The following OR51B5 variants were observed in gnomAD, a reference collection of about 807,000 sequenced individuals.
OR51B5 encodes olfactory receptor 51B5.
For missense variants in OR51B5, 456 were observed against 374.6 expected, an observed-to-expected ratio of 1.22 and a Z score of -1.79; for synonymous variants, 186 against 144.8, an observed-to-expected ratio of 1.28 and a Z score of -2.04.
exon 1 of OR51B5, chr11:5,342,875 A>G: frequency 6.2e-7 from 1 of 1,613,388 alleles, no homozygotes; most frequent in East Asian, 2.2e-5. Flanking sequence ...GAGTATCAAC[A>G]CATAGGAGAT....
intron 1 of OR51B5, among the ~76,000 whole-genome samples, chr11:5,451,880 A>G (rs535765840): frequency 1.3e-5 from 2 of 152,376 alleles, no homozygotes; most frequent in South Asian, 2.1e-4. Context: ...AGCCTTCTGT[A>G]TCCTCATCCA....
At chr11:5,464,250 A>G (rs1004729313) in intron 1 of OR51B5, among the ~76,000 whole-genome samples, 20 of 152,236 alleles carry the variant, frequency 1.3e-4, no homozygotes, top group African/African-American at 4.3e-4. Context: ...GCATTGGGTG[A>G]TTTTAACACA....
At chr11:5,495,047 C>G (rs952717065) in intron 1 of OR51B5, among the ~76,000 whole-genome samples, 5 of 152,214 alleles carry the variant, frequency 3.3e-5, no homozygotes, top group Admixed American at 6.5e-5. Context: ...GCTGCTATCC[C>G]CCTAGAGAAA....
chr11:5,473,223 A>C (rs1851254949), intron 1 of OR51B5, among the ~76,000 whole-genome samples: 1 of 152,224 alleles, frequency 6.6e-6, no homozygotes, highest in Admixed American at 6.5e-5. Flanking sequence ...TGCCAGAAAA[A>C]AAATCTTGAA....
chr11:5,390,132 A>T, intron 1 of OR51B5: 1 of 1,613,724 alleles, frequency 6.2e-7, no homozygotes, highest in Non-Finnish European at 8.5e-7. Flanking sequence ...TCCCAAGAGG[A>T]GCAGCGCCGT....
downstream of OR51B5, among the ~76,000 whole-genome samples, chr11:5,342,066 A>G (rs1251676884): frequency 6.6e-6 from 1 of 152,190 alleles, no homozygotes; most frequent in Admixed American, 6.5e-5. Context: ...TAGGTCACTG[A>G]TCAAAGAAGA....
intron 1 of OR51B5, among the ~76,000 whole-genome samples, chr11:5,412,391 C>T (rs1589981671): frequency 6.6e-6 from 1 of 152,136 alleles, no homozygotes; most frequent in Non-Finnish European, 1.5e-5. Context: ...TCTGCATTTC[C>T]ATCTGAGGTA....
chr11:5,369,394 C>A (rs1849418340), intron 1 of OR51B5, among the ~76,000 whole-genome samples: 1 of 152,186 alleles, frequency 6.6e-6, no homozygotes, highest in South Asian at 2.1e-4. Flanking sequence ...AAATATAACA[C>A]TTTTAGGAGA....
chr11:5,454,725 TATA>T (rs1393642041), intron 1 of OR51B5: 1 of 201,056 alleles, frequency 5.0e-6, no homozygotes, highest in Non-Finnish European at 1.0e-5. Flanking sequence ...ATATTACTAA[TATA>T]ATAATTAACA....
At position 5,457,010 on chromosome 11, in the gene OR51B5, G is replaced by A. The variant is rs539960202; in HGVS notation, n.84+48559C>T. 1.1e-4 allele frequency among the ~76,000 whole-genome samples: 16 copies of A among 152,256 alleles called. No individual in the cohort carries two copies. The East Asian group carries it at 1.5e-3, about 15-fold the overall frequency. ...GTTTCCTGAGGCCTTCCCAGAAGCCGAGCCTATGCCAGCATCATGCTTCCC... is the reference window on the plus strand; with the variant it reads ...GTTTCCTGAGGCCTTCCCAGAAGCCAAGCCTATGCCAGCATCATGCTTCCC... On this transcript the variant is annotated intron_variant and non_coding_transcript_variant, in intron 1 of 4. Transcript: ENST00000415970.
chr11:5,376,264 T>C (rs926344217), intron 1 of OR51B5, among the ~76,000 whole-genome samples: 4 of 151,838 alleles, frequency 2.6e-5, no homozygotes, highest in Non-Finnish European at 4.4e-5. Flanking sequence ...TTGAAACCAA[T>C]GAGAACAAAG....
chr11:5,423,177 T>G, intron 1 of OR51B5: 1 of 1,554,882 alleles, frequency 6.4e-7, no homozygotes, highest in Admixed American at 1.8e-5. Flanking sequence ...CTTAAATTAC[T>G]GACAAGTATG....
At chr11:5,396,372 T>C (rs922205901) in intron 1 of OR51B5, among the ~76,000 whole-genome samples, 5 of 152,178 alleles carry the variant, frequency 3.3e-5, no homozygotes, top group African/African-American at 4.8e-5. Flanking sequence ...TTCAGCAAAG[T>C]CTCAGGATAC....
chr11:5,437,639 A>G (rs1171445290), intron 1 of OR51B5, among the ~76,000 whole-genome samples: 2 of 152,226 alleles, frequency 1.3e-5, no homozygotes, highest in African/African-American at 4.8e-5. Context: ...ATAAAAAAGG[A>G]TAGCACCTAA....
chr11:5,351,394 G>A, intron 1 of OR51B5: 1 of 731,720 alleles, frequency 1.4e-6, no homozygotes. Flanking sequence ...GTCACTGAAA[G>A]TCAGGACTGG....
chr11:5,488,070 A>T (rs1304341836), intron 1 of OR51B5, among the ~76,000 whole-genome samples: 1 of 152,204 alleles, frequency 6.6e-6, no homozygotes, highest in African/African-American at 2.4e-5. Context: ...CCATGTTACT[A>T]AGAATGATCA....
intron 1 of OR51B5, chr11:5,385,560 TA>T (rs1849675969): frequency 6.6e-6 from 1 of 152,138 alleles, no homozygotes; most frequent in African/African-American, 2.4e-5. Context: ...CAGGGGCCTT[TA>T]GAGAATTCCA....
chr11:5,485,331 A>G (rs1344446740), intron 1 of OR51B5, among the ~76,000 whole-genome samples: 1 of 152,216 alleles, frequency 6.6e-6, no homozygotes, highest in African/African-American at 2.4e-5. Context: ...GGCAACGTTC[A>G]GAAGTTATAA....
At chr11:5,435,565 T>A (rs1329255657) in intron 1 of OR51B5, among the ~76,000 whole-genome samples, 1 of 152,130 alleles carries the variant, frequency 6.6e-6, no homozygotes, top group Non-Finnish European at 1.5e-5. Context: ...AACAGATGCT[T>A]AATAAATATT....
Sources: allele counts gnomAD v4.1 joint callset (sites outside exome capture counted in the v4.1 genomes callset), GRCh38; gene constraint gnomAD v4.1.1; transcripts MANE v1.5; gene names NCBI Gene and HGNC (gene_info 2026-07-23, HGNC 2026-07-21).